OR5AS1: variants seen among roughly 807,000 people sequenced by gnomAD.
OR5AS1 encodes the protein olfactory receptor 5AS1.
For missense variants in OR5AS1, 492 were observed against 378.2 expected, an observed-to-expected ratio of 1.30 and a Z score of -2.50; for synonymous variants, 196 against 141.7, an observed-to-expected ratio of 1.38 and a Z score of -2.72.
rs1482011 is a variant in OR5AS1 at position 56,030,676 on chromosome 11, G to A, written c.258G>A (p.Leu86=). The A allele has an allele frequency of 1, 1,581,381 of 1,588,742 alleles. 787,353 individuals are homozygous for A. Among genetic ancestry groups the A allele is most frequent in the East Asian group, 1 (44,532 of 44,532 alleles). Residue 86 remains leucine (L), a synonymous_variant, in exon 2 of 2, where the codon TTG becomes TTA. Transcript: ENST00000641320. Reference sequence around the variant, plus strand: ...CTCCTAAAATGCTGGCAAACTTCTTGGCATCCAGGAAAAGCATCTCTCCTT... The same window carrying A: ...CTCCTAAAATGCTGGCAAACTTCTTAGCATCCAGGAAAAGCATCTCTCCTT... ...AITPKMLANF[L]ASRKSISPYG...
Position 56,038,126 on chromosome 11 carries a change from G to T in OR5AS1, c.*6733G>T, listed in dbSNP as rs556519676. 3 of 152,112 alleles carry T rather than the reference G, an allele frequency of 2.0e-5. No homozygotes were observed. Among genetic ancestry groups the T allele is most frequent in the Non-Finnish European group, 4.4e-5 (3 of 68,034 alleles). The allele number at this position is 152,112 out of a possible 1,614,324, so 9.4% of individuals were successfully genotyped here. On this transcript the variant is annotated 3_prime_UTR_variant, in exon 2 of 2. Coordinates refer to ENST00000641320, the MANE Select transcript of OR5AS1 (RefSeq NM_001001921.2). ...TCTTATACAAAAATTAACTCAAGAT[G>T]GATTAAAGACTTAAACATAAAACCA...
Position 56,036,694 on chromosome 11 carries a change from A to G in OR5AS1, c.*5301A>G, listed in dbSNP as rs964770143. The stretch of plus-strand genomic sequence containing the variant: ...CCAGCCAAATTCTACCAGACATACA[A>G]AGAGGAGCTGGTACTATTCCTTCTG... On this transcript the variant is annotated 3_prime_UTR_variant, in exon 2 of 2. Coordinates refer to ENST00000641320, the MANE Select transcript of OR5AS1 (RefSeq NM_001001921.2). 3 of 152,062 alleles carry G rather than the reference A, an allele frequency of 2.0e-5. No individual in the cohort carries two copies. Among genetic ancestry groups the G allele is most frequent in the African/African-American group, 4.8e-5 (2 of 41,368 alleles). 9.4% of individuals were successfully genotyped at this position (152,062 alleles called of 1,614,324 possible).
In OR5AS1 at chr11:56,035,091, G is replaced by A. The variant is rs1339148579; in HGVS notation, c.*3698G>A. The A allele has an allele frequency of 1.3e-5, 2 of 152,262 alleles. No homozygotes were observed. The highest frequency in any genetic ancestry group is 2.9e-5 in the Non-Finnish European group (2 of 68,024). 9.4% of individuals were successfully genotyped at this position (152,262 alleles called of 1,614,324 possible). ...TGCTGAGAGATTTTGTCACCACCAG[G>A]CCTGCTTTACAAGAGCTCCTGAAGG... On this transcript the variant is annotated 3_prime_UTR_variant, in exon 2 of 2. Transcript: ENST00000641320.
At chr11:56,028,247 T>A (rs1406459457) in intron 1 of OR5AS1, among the ~76,000 whole-genome samples, 3 of 151,984 alleles carry the variant, frequency 2.0e-5, no homozygotes, top group Non-Finnish European at 4.4e-5. Context: ...CCAACCTCTG[T>A]AAAGCTACCT....
At chr11:56,027,937 C>CT (rs142313273) in intron 1 of OR5AS1, among the ~76,000 whole-genome samples, 9,138 of 151,846 alleles carry the variant, frequency 0.06, 373 homozygotes, top group Non-Finnish European at 0.084. Flanking sequence ...AAAAATGTCA[C>CT]GCCCAATTCG....
chr11:56,032,727 C>T lies in OR5AS1; in HGVS notation c.*1334C>T, dbSNP rs562742655. On this transcript the variant is annotated 3_prime_UTR_variant, in exon 2 of 2. Transcript: ENST00000641320. ...TATTTATAGACATACCATGAAGATACTGTGGGTTCTCTTCTAGATCACTAC... is the reference window on the plus strand; with the variant it reads ...TATTTATAGACATACCATGAAGATATTGTGGGTTCTCTTCTAGATCACTAC... 6.6e-6 allele frequency: 1 copy of T among 152,170 alleles called. No individual in the cohort carries two copies. Among genetic ancestry groups the T allele is most frequent in the South Asian group, 2.1e-4 (1 of 4,826 alleles). 9.4% of individuals were successfully genotyped at this position (152,170 alleles called of 1,614,324 possible). A position where few individuals can be genotyped will look rare whatever the true frequency, so the allele number is the denominator to read the frequency against.
chr11:56,034,159 G>T lies in OR5AS1; in HGVS notation c.*2766G>T, dbSNP rs903703678. The stretch of plus-strand genomic sequence containing the variant: ...GGTGAGGAAAAACCAATGCAAAAAG[G>T]CTGAAAATTTCTAAAACCAGACATC... On this transcript the variant is annotated 3_prime_UTR_variant, in exon 2 of 2. Coordinates refer to ENST00000641320, the MANE Select transcript of OR5AS1 (RefSeq NM_001001921.2). 4.6e-5 allele frequency: 7 copies of T among 152,086 alleles called. No homozygotes were observed. Among genetic ancestry groups the T allele is most frequent in the African/African-American group, 1.7e-4 (7 of 41,362 alleles). The allele number at this position is 152,086 out of a possible 1,614,324, so 9.4% of individuals were successfully genotyped here. A position where few individuals can be genotyped will look rare whatever the true frequency, so the allele number is the denominator to read the frequency against.
At position 56,030,879 on chromosome 11, in the gene OR5AS1, C is replaced by T; in HGVS notation, c.461C>T (p.Thr154Ile). Residue 154 changes from threonine to isoleucine, a missense_variant, in exon 2 of 2, where the codon ACA becomes ATA. Transcript: ENST00000641320. ...GTGTTGGCATATTTCAGTGGAAGTA[C>T]AACATCACTGGTCCATGTGTGCCTC... Reference protein sequence around the residue: ...FIVLAYFSGSTTSLVHVCLTF... With the variant: ...FIVLAYFSGSITSLVHVCLTF... 2 of 1,614,014 alleles carry T rather than the reference C, an allele frequency of 1.2e-6. No individual in the cohort carries two copies. The highest frequency in any genetic ancestry group is 1.7e-6 in the Non-Finnish European group (2 of 1,179,940).
chr11:56,031,227 C>A lies in OR5AS1; in HGVS notation c.809C>A (p.Thr270Asn). 2 of 1,613,600 alleles carry A rather than the reference C, an allele frequency of 1.2e-6. No individual in the cohort carries two copies. Among genetic ancestry groups the A allele is most frequent in the Non-Finnish European group, 1.7e-6 (2 of 1,179,616 alleles). The change falls in exon 2 of 2, where the codon ACT becomes AAT. Residue 270 changes from threonine (T) to asparagine (N), a missense_variant. Transcript: ENST00000641320. ...CCCACCACTAGCTATTCCCTAGACA[C>A]TGATAAGGTGGTGGCAGTGTTTTAT... ...LQPTTSYSLD[T>N]DKVVAVFYTV...
intron 1 of OR5AS1, among the ~76,000 whole-genome samples, chr11:56,029,532 A>G (rs1417196946): frequency 8.1e-6 from 1 of 123,274 alleles, no homozygotes; most frequent in Non-Finnish European, 1.8e-5. Flanking sequence ...TGTATATAGC[A>G]CACACACACA....
Position 56,031,398 on chromosome 11 carries a change from C to T in OR5AS1, c.*5C>T, listed in dbSNP as rs749474715. The stretch of plus-strand genomic sequence containing the variant: ...TTAAGAATAGTCAATATCTAACTTA[C>T]CCTTCCAATCTCATAAACAGCAATT... On this transcript the variant is annotated 3_prime_UTR_variant, in exon 2 of 2. Transcript: ENST00000641320. The T allele has an allele frequency of 1.0e-4, 148 of 1,476,270 alleles. 1 individual carries two copies. The highest frequency in any genetic ancestry group is 8.4e-4 in the South Asian group (64 of 75,750). The allele number at this position is 1,476,270 out of a possible 1,614,324, so 91.4% of individuals were successfully genotyped here. A position where few individuals can be genotyped will look rare whatever the true frequency, so the allele number is the denominator to read the frequency against.
chr11:56,034,515 A>G lies in OR5AS1; in HGVS notation c.*3122A>G, dbSNP rs564576225. 7 of 152,260 alleles carry G rather than the reference A, an allele frequency of 4.6e-5. No individual in the cohort carries two copies. The East Asian group carries it at 1.2e-3, about 25-fold the overall frequency. 9.4% of individuals were successfully genotyped at this position (152,260 alleles called of 1,614,324 possible). A position where few individuals can be genotyped will look rare whatever the true frequency, so the allele number is the denominator to read the frequency against. ...TCAAACAGAAGGAAGGATATCAGAGATTGAAGATCAACTTAATGAAATAAA... is the reference window on the plus strand; with the variant it reads ...TCAAACAGAAGGAAGGATATCAGAGGTTGAAGATCAACTTAATGAAATAAA... On this transcript the variant is annotated 3_prime_UTR_variant, in exon 2 of 2. Transcript: ENST00000641320.
Position 56,030,633 on chromosome 11 carries a change from G to C in OR5AS1, c.215G>C (p.Ser72Thr). 6.4e-7 allele frequency: 1 copy of C among 1,559,904 alleles called. No individual in the cohort carries two copies. The highest frequency in any genetic ancestry group is 8.7e-7 in the Non-Finnish European group (1 of 1,154,528). ...FLSNLSFLDI[S>T]CSTAITPKML... is the part of the protein sequence containing the mutation. ...AGCAACTTATCTTTCTTAGACATCA[G>C]CTGTTCTACAGCAATCACTCCTAAA... is the stretch of plus-strand genomic sequence containing the variant. Residue 72 changes from serine to threonine, a missense_variant, in exon 2 of 2, where the codon AGC (serine) becomes ACC (threonine). Coordinates refer to ENST00000641320, the MANE Select transcript of OR5AS1 (RefSeq NM_001001921.2).
chr11:56,030,557 A>G lies in OR5AS1; in HGVS notation c.139A>G (p.Ile47Val), dbSNP rs558162518. Reference sequence around the variant, plus strand: ...TATGGTCGGAAATATACTCTTAATAATTCTAGTTAATATTAATTCAAGCCT... The same window carrying G: ...TATGGTCGGAAATATACTCTTAATAGTTCTAGTTAATATTAATTCAAGCCT... The part of the protein sequence containing the change: ...LTMVGNILLI[I>V]LVNINSSLQI... The change falls in exon 2 of 2, where the codon ATT (isoleucine) becomes GTT (valine). Residue 47 changes from isoleucine to valine, a missense_variant. Physicochemically the swap from Ile to Val is conservative, Grantham distance 29 (BLOSUM62 3). Transcript: ENST00000641320. 7.9e-5 allele frequency: 122 copies of G among 1,552,386 alleles called. 1 individual carries two copies. In the South Asian group the frequency reaches 1.4e-3, roughly 18 times the overall value.
chr11:56,030,384 T>TACCTAGG lies in OR5AS1; in HGVS notation c.-28-6_-28dup, dbSNP rs1853334300. 2 of 1,366,152 alleles carry TACCTAGG rather than the reference T, an allele frequency of 1.5e-6. No homozygotes were observed. The highest frequency in any genetic ancestry group is 1.4e-5 in the African/African-American group (1 of 69,116). 84.6% of individuals were successfully genotyped at this position (1,366,152 alleles called of 1,614,324 possible). On this transcript the variant is annotated splice_region_variant and splice_polypyrimidine_tract_variant and intron_variant, in intron 1 of 1. Transcript: ENST00000641320. ...CAAGTTAACTCACATCTGCTGATACTACCTAGGTCCAGTGGGAAAAACAAG... is the reference window on the plus strand; with the variant it reads ...CAAGTTAACTCACATCTGCTGATACTACCTAGGACCTAGGTCCAGTGGGAAAAACAAG...
At position 56,035,197 on chromosome 11, in the gene OR5AS1, A is replaced by C. The variant is rs989043382; in HGVS notation, c.*3804A>C. ...TTTAAAGAACATTGACACTACGAAGAAACCACATCAGCTAATGGGCAAAAT... is the reference window on the plus strand; with the variant it reads ...TTTAAAGAACATTGACACTACGAAGCAACCACATCAGCTAATGGGCAAAAT... On this transcript the variant is annotated 3_prime_UTR_variant, in exon 2 of 2. Transcript: ENST00000641320. 6.6e-5 allele frequency: 10 copies of C among 152,204 alleles called. No individual in the cohort carries two copies. Among genetic ancestry groups the C allele is most frequent in the Admixed American group, 2.6e-4 (4 of 15,284 alleles). The allele number at this position is 152,204 out of a possible 1,614,324, so 9.4% of individuals were successfully genotyped here. A position where few individuals can be genotyped will look rare whatever the true frequency, so the allele number is the denominator to read the frequency against.
Position 56,037,270 on chromosome 11 carries a change from AG to A in OR5AS1, c.*5879del, listed in dbSNP as rs1353629784. The A allele has an allele frequency of 6.6e-6, 1 of 152,172 alleles. No homozygotes were observed. The highest frequency in any genetic ancestry group is 1.5e-5 in the Non-Finnish European group (1 of 68,046). The allele number at this position is 152,172 out of a possible 1,614,324, so 9.4% of individuals were successfully genotyped here. A position where few individuals can be genotyped will look rare whatever the true frequency, so the allele number is the denominator to read the frequency against. ...ATTGAAAGTGCTGGCCAGGGCAATC[AG>A]GCAAGATAAAGAAATAAAGGATATT... On this transcript the variant is annotated 3_prime_UTR_variant, in exon 2 of 2. Coordinates refer to ENST00000641320, the MANE Select transcript of OR5AS1 (RefSeq NM_001001921.2).
Position 56,032,246 on chromosome 11 carries a change from T to A in OR5AS1, c.*853T>A, listed in dbSNP as rs368170009. ...TGTGAATACTATCAAGATTATAAAC[T>A]GTAGAATTTCCTAATTATTTATATT... is the stretch of plus-strand genomic sequence containing the variant. On this transcript the variant is annotated 3_prime_UTR_variant, in exon 2 of 2. Coordinates refer to ENST00000641320, the MANE Select transcript of OR5AS1 (RefSeq NM_001001921.2). 7.9e-5 allele frequency: 12 copies of A among 152,134 alleles called. No homozygotes were observed. The highest frequency in any genetic ancestry group is 1.5e-4 in the Non-Finnish European group (10 of 68,020). 9.4% of individuals were successfully genotyped at this position (152,134 alleles called of 1,614,324 possible).
chr11:56,028,965 T>C (rs756062413), intron 1 of OR5AS1, among the ~76,000 whole-genome samples: 1 of 152,044 alleles, frequency 6.6e-6, no homozygotes, highest in Non-Finnish European at 1.5e-5. Context: ...AATGTGTACA[T>C]TTTTCTAGTA....
Sources: allele counts gnomAD v4.1 joint callset (sites outside exome capture counted in the v4.1 genomes callset), GRCh38; gene constraint gnomAD v4.1.1; transcripts MANE v1.5; gene names NCBI Gene and HGNC (gene_info 2026-07-23, HGNC 2026-07-21).